ERBB4: variants seen among roughly 807,000 people sequenced by gnomAD.
ERBB4 encodes erb-b2 receptor tyrosine kinase 4.
ERBB4 carries 42 observed loss-of-function variants against 158.0 expected under a neutral mutation model. That is an observed-to-expected ratio of 0.27 (90% CI 0.21 to 0.34). The LOEUF (loss-of-function observed/expected upper bound fraction) is 0.34, where lower values mean the gene tolerates loss of function less well. Among genes scored for constraint, ERBB4 ranks in the 10% least tolerant of loss-of-function variants. The pLI, the probability that ERBB4 is intolerant of heterozygous loss-of-function variation, is 1.00. For missense variants in ERBB4, 1,333 were observed against 1,624.1 expected, an observed-to-expected ratio of 0.82 and a Z score of 3.08; for synonymous variants, 583 against 558.7, an observed-to-expected ratio of 1.04 and a Z score of -0.61.
At chr2:211,792,376 TAAGAA>T (rs899316366) in intron 3 of ERBB4, among the ~76,000 whole-genome samples, 3 of 151,668 alleles carry the variant, frequency 2.0e-5, no homozygotes, top group Non-Finnish European at 3.0e-5. Context: ...ATCTTGAATT[TAAGAA>T]AATATATATA....
intron 25 of ERBB4, among the ~76,000 whole-genome samples, chr2:211,409,949 G>A (rs1044179069): frequency 6.6e-5 from 10 of 152,048 alleles, no homozygotes; most frequent in Non-Finnish European, 1.3e-4. Context: ...CATCCACCTC[G>A]TACTACAACA....
chr2:212,432,057 T>C (rs1031634990), intron 1 of ERBB4, among the ~76,000 whole-genome samples: 3 of 152,210 alleles, frequency 2.0e-5, no homozygotes, highest in South Asian at 2.1e-4. Flanking sequence ...AGAGCATGTA[T>C]TGAAATCAAT....
At chr2:212,264,585 A>C (rs2106097572) in intron 1 of ERBB4, among the ~76,000 whole-genome samples, 1 of 152,244 alleles carries the variant, frequency 6.6e-6, no homozygotes, top group South Asian at 2.1e-4. Flanking sequence ...GTTTACTACT[A>C]GGCATTGTCA....
chr2:211,531,450 A>G (rs1267573000), intron 20 of ERBB4, among the ~76,000 whole-genome samples: 1 of 152,156 alleles, frequency 6.6e-6, no homozygotes, highest in Non-Finnish European at 1.5e-5. Flanking sequence ...AGGAACTCAA[A>G]CAACTCTATA....
intron 1 of ERBB4, among the ~76,000 whole-genome samples, chr2:212,524,376 C>T (rs574087126): frequency 2.0e-5 from 3 of 151,964 alleles, no homozygotes; most frequent in Non-Finnish European, 4.4e-5. Context: ...CAGCTAATAC[C>T]TTGCCAGGTA....
Position 211,784,458 on chromosome 2 carries a change from T to A in ERBB4, c.556+3567A>T, listed in dbSNP as rs571812179. Among the ~76,000 whole-genome samples the A allele has an allele frequency of 5.3e-5, 8 of 152,354 alleles. No homozygotes were observed. The South Asian group carries it at 1.0e-3, about 20-fold the overall frequency. The stretch of plus-strand genomic sequence containing the variant: ...CTTCCTTTTTCAAGCTGGATAATAT[T>A]TCATCATTGTATGTATATACTGCAT... On this transcript the variant is annotated intron_variant, in intron 4 of 27. Transcript: ENST00000342788.
chr2:211,661,566 C>T (rs181168237), intron 15 of ERBB4, among the ~76,000 whole-genome samples: 150 of 152,130 alleles, frequency 9.9e-4, no homozygotes, highest in African/African-American at 3.2e-3. Flanking sequence ...ATTTAACCAA[C>T]ATAGTTTAGA....
chr2:211,754,403 A>T (rs1251265461), intron 4 of ERBB4, among the ~76,000 whole-genome samples: 3 of 116,066 alleles, frequency 2.6e-5, no homozygotes, highest in Non-Finnish European at 3.6e-5. Flanking sequence ...TATTGCAATA[A>T]TCCCTTTTTT....
At chr2:211,452,339 G>T (rs751842173) in intron 20 of ERBB4, among the ~76,000 whole-genome samples, 1 of 151,922 alleles carries the variant, frequency 6.6e-6, no homozygotes, top group Non-Finnish European at 1.5e-5. Context: ...TATCACGCCC[G>T]GCTAATTTTT....
chr2:211,657,985 G>C (rs752298470), intron 15 of ERBB4, 157 bp from the exon 16 acceptor site: 2 of 1,600,730 alleles, frequency 1.2e-6, no homozygotes, highest in South Asian at 2.2e-5. Flanking sequence ...CAATACTTGA[G>C]CCTATGCACC....
chr2:211,678,374 A>T (rs1052761223), intron 13 of ERBB4, among the ~76,000 whole-genome samples: 16 of 151,922 alleles, frequency 1.1e-4, no homozygotes, highest in African/African-American at 3.9e-4. Flanking sequence ...GAGAAGTATG[A>T]GAGGAAAATA....
chr2:211,650,877 C>T (rs1326442560), intron 16 of ERBB4, among the ~76,000 whole-genome samples: 1 of 152,056 alleles, frequency 6.6e-6, no homozygotes, highest in Non-Finnish European at 1.5e-5. Context: ...CTTCACAATC[C>T]AGTGTACTTT....
chr2:212,499,611 G>A (rs916733214), intron 1 of ERBB4, among the ~76,000 whole-genome samples: 19 of 152,160 alleles, frequency 1.2e-4, no homozygotes, highest in African/African-American at 3.9e-4. Context: ...ACTGGTATAC[G>A]AAATTTGCCA....
At chr2:211,392,567 C>CAA (rs1464796660) in intron 25 of ERBB4, among the ~76,000 whole-genome samples, 1 of 143,750 alleles carries the variant, frequency 7.0e-6, no homozygotes, top group Non-Finnish European at 1.5e-5. Flanking sequence ...TCCACACACA[C>CAA]ACACACACAC....
At position 211,730,452 on chromosome 2, in the gene ERBB4, A is replaced by G. The variant is rs190297511; in HGVS notation, c.623-5258T>C. On this transcript the variant is annotated intron_variant, in intron 5 of 27. Coordinates refer to ENST00000342788, the MANE Select transcript of ERBB4 (RefSeq NM_005235.3). Reference sequence around the variant, plus strand: ...CTCTGACACTTCCTCCTCCTCCCCCATCTCCTTCCTCTTTCCCTATCTCCT... The same window carrying G: ...CTCTGACACTTCCTCCTCCTCCCCCGTCTCCTTCCTCTTTCCCTATCTCCT... Among the ~76,000 whole-genome samples the G allele has an allele frequency of 1.2e-4, 18 of 151,460 alleles. No homozygotes were observed. In the East Asian group the frequency reaches 3.5e-3, roughly 29 times the overall value.
At position 211,807,047 on chromosome 2, in the gene ERBB4, GAAAT is replaced by G. The variant is rs1575173772; in HGVS notation, c.422-18892_422-18889del. ...ATAGATGCCTTAAATGATAAATCAA[GAAAT>G]AATTAATTATATTTTAAATATATTC... On this transcript the variant is annotated intron_variant, in intron 3 of 27. Transcript: ENST00000342788. 2.6e-5 allele frequency among the ~76,000 whole-genome samples: 4 copies of G among 151,380 alleles called. No individual in the cohort carries two copies. In the South Asian group the frequency reaches 6.3e-4, roughly 24 times the overall value.
chr2:211,502,145 T>C (rs925430582), intron 20 of ERBB4, among the ~76,000 whole-genome samples: 2 of 152,174 alleles, frequency 1.3e-5, no homozygotes, highest in Non-Finnish European at 2.9e-5. Context: ...GTAGTCACTT[T>C]AATGTTCTTC....
chr2:211,466,758 A>G (rs2064701034), intron 20 of ERBB4, among the ~76,000 whole-genome samples: 1 of 152,180 alleles, frequency 6.6e-6, no homozygotes, highest in Non-Finnish European at 1.5e-5. Context: ...CCATCAAATG[A>G]GGATATTCTT....
At chr2:212,307,998 T>A (rs2086876755) in intron 1 of ERBB4, among the ~76,000 whole-genome samples, 1 of 150,818 alleles carries the variant, frequency 6.6e-6, no homozygotes, top group African/African-American at 2.4e-5. Flanking sequence ...GTTATCTGAA[T>A]TTTTGAGAAA....
Sources: gnomAD v4.1 joint callset for allele counts (sites outside exome capture counted in the v4.1 genomes callset) on GRCh38, gnomAD v4.1.1 for gene constraint, MANE v1.5 for transcripts, NCBI Gene and HGNC (gene_info 2026-07-23, HGNC 2026-07-21) for gene names.